TRHDE: variants seen among roughly 807,000 people sequenced by gnomAD.
TRHDE encodes the protein thyrotropin-releasing hormone-degrading ectoenzyme.
TRHDE carries 72 observed loss-of-function variants against 125.7 expected under a neutral mutation model. That is an observed-to-expected ratio of 0.57 (90% confidence interval 0.47 to 0.70). TRHDE has a LOEUF of 0.70. Among genes scored for constraint, TRHDE ranks in the 30% least tolerant of loss-of-function variants. TRHDE has a pLI of 0.00. For synonymous variants in TRHDE, 509 were observed against 509.1 expected (o/e 1.00, Z 0.00); for missense variants, 1,110 against 1,327.1 (o/e 0.84, Z 2.54).
chr12:72,573,636 T>C (rs934244273), intron 10 of TRHDE, among the ~76,000 whole-genome samples: 2 of 151,974 alleles, frequency 1.3e-5, no homozygotes, highest in African/African-American at 4.8e-5. Context: ...AGAATTTAGC[T>C]TTTCTTGTAC....
At chr12:72,323,014 G>A (rs1769104059) in intron 2 of TRHDE, among the ~76,000 whole-genome samples, 1 of 152,028 alleles carries the variant, frequency 6.6e-6, no homozygotes. Flanking sequence ...AACAAGTAGA[G>A]CGAAGATTTC....
chr12:72,605,814 C>A (rs305402), intron 12 of TRHDE, among the ~76,000 whole-genome samples: 82,323 of 151,954 alleles, frequency 0.54, 26,439 homozygotes, highest in Non-Finnish European at 0.72. Flanking sequence ...TTCTATTATT[C>A]ATTATTGCTT....
At chr12:72,294,199 C>T (rs1880200545) in intron 2 of TRHDE, among the ~76,000 whole-genome samples, 1 of 152,244 alleles carries the variant, frequency 6.6e-6, no homozygotes, top group Non-Finnish European at 1.5e-5. Flanking sequence ...GGGCATGTCT[C>T]AGCCCTGTTT....
At chr12:72,449,277 G>A (rs1417737673) in intron 3 of TRHDE, among the ~76,000 whole-genome samples, 1 of 152,060 alleles carries the variant, frequency 6.6e-6, no homozygotes, top group African/African-American at 2.4e-5. Context: ...TTTAGAGCAA[G>A]TTGACACAGA....
intron 10 of TRHDE, among the ~76,000 whole-genome samples, chr12:72,574,650 AAG>A (rs1788420314): frequency 6.6e-6 from 1 of 152,090 alleles, no homozygotes. Flanking sequence ...CCATTTTCCA[AAG>A]TGATCCCAAT....
At chr12:72,176,760 C>A (rs1345990532) in intron 2 of TRHDE, among the ~76,000 whole-genome samples, 1 of 152,050 alleles carries the variant, frequency 6.6e-6, no homozygotes, top group Admixed American at 6.6e-5. Flanking sequence ...AATAAAGGAA[C>A]TTAGAAAACT....
chr12:72,444,730 C>T (rs953395261), intron 3 of TRHDE, among the ~76,000 whole-genome samples: 8 of 151,760 alleles, frequency 5.3e-5, no homozygotes, highest in Non-Finnish European at 7.4e-5. Context: ...TAAGAAATGT[C>T]TGTTAGTGAA....
At chr12:72,499,468 T>A in intron 5 of TRHDE, 30 bp from the exon 6 acceptor site, 1 of 1,610,320 alleles carries the variant, frequency 6.2e-7, no homozygotes, top group Non-Finnish European at 8.5e-7. Flanking sequence ...ATGAATCACC[T>A]ATGATATTGC....
At chr12:72,610,819 TC>T (rs1872607021) in intron 12 of TRHDE, 1 of 152,224 alleles carries the variant, frequency 6.6e-6, no homozygotes, top group Non-Finnish European at 1.5e-5. Flanking sequence ...TTATGGTGCA[TC>T]AGTTTTTTCA....
chr12:72,094,281 G>C (rs1238615579), intron 1 of TRHDE, among the ~76,000 whole-genome samples: 1 of 152,168 alleles, frequency 6.6e-6, no homozygotes, highest in Non-Finnish European at 1.5e-5. Context: ...GTGAGTCCCT[G>C]GCCAAGCAGG....
At chr12:72,478,266 T>G (rs1410290099) in intron 5 of TRHDE, among the ~76,000 whole-genome samples, 1 of 152,180 alleles carries the variant, frequency 6.6e-6, no homozygotes, top group Non-Finnish European at 1.5e-5. Flanking sequence ...TCCTGTTCAG[T>G]TGCTTAAAAG....
intron 2 of TRHDE, among the ~76,000 whole-genome samples, chr12:72,346,465 G>T (rs1237884604): frequency 2.8e-5 from 3 of 105,494 alleles, no homozygotes; most frequent in Non-Finnish European, 5.8e-5. Context: ...CTGCCCATGT[G>T]GTGTGCTTTT....
At chr12:72,514,278 TAAGAG>T (rs761602239) in intron 6 of TRHDE, among the ~76,000 whole-genome samples, 2 of 152,068 alleles carry the variant, frequency 1.3e-5, no homozygotes, top group Non-Finnish European at 2.9e-5. Flanking sequence ...CAGAAACAAT[TAAGAG>T]AAGAATCATT....
Position 72,388,702 on chromosome 12 carries a change from C to T in TRHDE, c.1315+10581C>T, listed in dbSNP as rs139471476. ...ATGAAGGATGACTTAACTATAGTTG[C>T]AGCTATTTTCTCATTAAGGATCCCC... On this transcript the variant is annotated intron_variant, in intron 3 of 18. Coordinates refer to ENST00000261180, the MANE Select transcript of TRHDE (RefSeq NM_013381.3). 7.2e-5 allele frequency among the ~76,000 whole-genome samples: 11 copies of T among 152,160 alleles called. No individual in the cohort carries two copies. In the South Asian group the frequency reaches 2.1e-3, roughly 29 times the overall value.
At chr12:72,514,518 A>G (rs1315959257) in intron 6 of TRHDE, among the ~76,000 whole-genome samples, 1 of 152,140 alleles carries the variant, frequency 6.6e-6, no homozygotes, top group East Asian at 1.9e-4. Context: ...AAATGGTAGA[A>G]CTGAAGATAC....
intron 2 of TRHDE, among the ~76,000 whole-genome samples, chr12:72,315,135 G>A (rs911614202): frequency 1.3e-5 from 2 of 152,048 alleles, no homozygotes; most frequent in Admixed American, 6.6e-5. Context: ...TCAATTTAAA[G>A]GAAAGTGGTA....
intron 5 of TRHDE, among the ~76,000 whole-genome samples, chr12:72,478,677 G>GAT (rs1348423737): frequency 2.6e-5 from 4 of 152,032 alleles, no homozygotes; most frequent in African/African-American, 9.7e-5. Flanking sequence ...CTACAAGGAG[G>GAT]ATATAAGAGC....
intron 17 of TRHDE, 141 bp downstream of exon 17, chr12:72,653,297 C>A: frequency 2.0e-6 from 1 of 507,660 alleles, no homozygotes; most frequent in Admixed American, 4.1e-5. Context: ...GTTGCCACTC[C>A]CGTGGAACTC....
chr12:72,636,410 C>T (rs1279858979), intron 15 of TRHDE, among the ~76,000 whole-genome samples: 1 of 151,506 alleles, frequency 6.6e-6, no homozygotes, highest in African/African-American at 2.4e-5. Flanking sequence ...TGGGCTGAGA[C>T]AATGGGGTTT....
Sources: allele counts gnomAD v4.1 joint callset (sites outside exome capture counted in the v4.1 genomes callset), GRCh38; gene constraint gnomAD v4.1.1; transcripts MANE v1.5; gene names NCBI Gene and HGNC (gene_info 2026-07-23, HGNC 2026-07-21).